The following TFDP1 variants were observed in gnomAD, a reference collection of about 807,000 sequenced individuals.
The protein encoded by TFDP1 is DRTF1-polypeptide 1.
In TFDP1, 6 loss-of-function variants were observed where a neutral mutation model predicts 48.0. The ratio of observed to expected loss-of-function variants is 0.13; its 90% CI spans 0.07 to 0.25. The LOEUF is 0.25. TFDP1 is among the 10% of genes least tolerant of loss of function. The probability of loss-of-function intolerance (pLI) is 1.00; values close to 1 mark genes in which losing one functional copy is unlikely to be tolerated. For synonymous variants in TFDP1, 201 were observed against 211.6 expected (o/e 0.95, Z 0.44); for missense variants, 335 against 543.0 (o/e 0.62, Z 3.81).
intron 3 of TFDP1, among the ~76,000 whole-genome samples, chr13:113,619,686 G>T (rs141948672): frequency 1.3e-3 from 196 of 152,190 alleles, no homozygotes; most frequent in African/African-American, 4.6e-3. Context: ...GGCCGGACAG[G>T]GGGTATTCAC....
chr13:113,588,419 A>G (rs1428725717), intron 2 of TFDP1, among the ~76,000 whole-genome samples: 1 of 152,130 alleles, frequency 6.6e-6, no homozygotes, highest in East Asian at 1.9e-4. Context: ...GAGAAAAACA[A>G]CTCCGGAGCT....
At chr13:113,585,496 C>G (rs2047979242) in intron 1 of TFDP1, 2 of 216,932 alleles carry the variant, frequency 9.2e-6, no homozygotes, top group South Asian at 1.8e-4. Flanking sequence ...GGGGCTCGGC[C>G]CCACCCTCGG....
intron 3 of TFDP1, among the ~76,000 whole-genome samples, chr13:113,622,909 T>C (rs1256934429): frequency 6.6e-6 from 1 of 152,270 alleles, no homozygotes; most frequent in East Asian, 1.9e-4. Context: ...GCACGTTCCA[T>C]AGCAGACATC....
chr13:113,600,761 G>A (rs114359391), intron 2 of TFDP1, among the ~76,000 whole-genome samples: 4,019 of 146,634 alleles, frequency 0.027, 165 homozygotes, highest in African/African-American at 0.093. Context: ...CTCCAGGACC[G>A]CGATAGAGAA....
chr13:113,626,739 G>A (rs962633546), intron 4 of TFDP1, among the ~76,000 whole-genome samples: 1 of 152,192 alleles, frequency 6.6e-6, no homozygotes, highest in Non-Finnish European at 1.5e-5. Context: ...CGGCTTTTCA[G>A]TAAATGCCAT....
intron 3 of TFDP1, among the ~76,000 whole-genome samples, chr13:113,615,915 A>G (rs1450938540): frequency 6.6e-6 from 1 of 151,986 alleles, no homozygotes; most frequent in African/African-American, 2.4e-5. Flanking sequence ...CTGTCTCAAA[A>G]TGAGTAGGCT....
intron 3 of TFDP1, among the ~76,000 whole-genome samples, chr13:113,618,540 A>G (rs1451140437): frequency 1.3e-5 from 2 of 152,144 alleles, no homozygotes; most frequent in African/African-American, 4.8e-5. Flanking sequence ...AACTACTACT[A>G]CTAATTGAAA....
intron 2 of TFDP1, among the ~76,000 whole-genome samples, chr13:113,591,464 CTT>C (rs1417431019): frequency 2.0e-5 from 3 of 152,046 alleles, no homozygotes; most frequent in Non-Finnish European, 4.4e-5. Context: ...ATAATCAGCT[CTT>C]TGTTAGCTCT....
At position 113,593,088 on chromosome 13, in the gene TFDP1, C is replaced by T. The variant is rs2048186317; in HGVS notation, c.12+7239C>T. On this transcript the variant is annotated intron_variant, in intron 2 of 11. Coordinates refer to ENST00000375370, the MANE Select transcript of TFDP1 (RefSeq NM_007111.5). ...GACAGGTGTGGTGTGCGCGGGTCCT[C>T]AGCCCTGCCCAGGTGACAGGTGTGC... Among the ~76,000 whole-genome samples, 3 of 150,160 alleles carry T rather than the reference C, an allele frequency of 2.0e-5. No individual in the cohort carries two copies. In the South Asian group the frequency reaches 6.3e-4, roughly 32 times the overall value.
rs148494753 is a variant in TFDP1, at chr13:113,636,694, G to A, written c.1000G>A (p.Val334Met). The A allele has an allele frequency of 1.8e-5, 29 of 1,609,112 alleles. No individual in the cohort carries two copies. Among genetic ancestry groups the A allele is most frequent in the African/African-American group, 2.8e-5 (2 of 70,796 alleles). ...GGTCCCCAAGGCTCTGGAGCCATACGTGACAGGTCAGCAATGCCCAGACAA... is the reference window on the plus strand; with the variant it reads ...GGTCCCCAAGGCTCTGGAGCCATACATGACAGGTCAGCAATGCCCAGACAA... ...SLVPKALEPY[V>M]TEMAQGTVGG... The change falls in exon 10 of 12, where the codon GTG (valine) becomes ATG (methionine). Residue 334 changes from valine to methionine, a missense_variant. By Grantham distance (21) the Val-to-Met change is conservative. Coordinates refer to ENST00000375370, the MANE Select transcript of TFDP1 (RefSeq NM_007111.5).
Position 113,585,779 on chromosome 13 carries a change from T to C in TFDP1, c.-59T>C. 7.2e-7 allele frequency: 1 copy of C among 1,380,592 alleles called. No individual in the cohort carries two copies. The allele number at this position is 1,380,592 out of a possible 1,614,324, so 85.5% of individuals were successfully genotyped here. A position where few individuals can be genotyped will look rare whatever the true frequency, so the allele number is the denominator to read the frequency against. ...TTTTTTTTTTTTTTTACCAGAAAAATCATTTTTCTTCTCTGGGAAGGTGAA... is the reference window on the plus strand; with the variant it reads ...TTTTTTTTTTTTTTTACCAGAAAAACCATTTTTCTTCTCTGGGAAGGTGAA... On this transcript the variant is annotated 5_prime_UTR_variant, in exon 2 of 12. Coordinates refer to ENST00000375370, the MANE Select transcript of TFDP1 (RefSeq NM_007111.5).
At chr13:113,596,471 G>A (rs1473620326) in intron 2 of TFDP1, among the ~76,000 whole-genome samples, 1 of 152,160 alleles carries the variant, frequency 6.6e-6, no homozygotes, top group Non-Finnish European at 1.5e-5. Context: ...AGCTGGCTGT[G>A]GATGAGGGGT....
intron 3 of TFDP1, among the ~76,000 whole-genome samples, chr13:113,616,479 C>T (rs568912423): frequency 3.3e-5 from 5 of 152,304 alleles, no homozygotes; most frequent in South Asian, 2.1e-4. Flanking sequence ...TCACCGTCTG[C>T]GGCGCCAGGC....
At chr13:113,603,512 A>G (rs1425712694) in intron 2 of TFDP1, among the ~76,000 whole-genome samples, 2 of 152,260 alleles carry the variant, frequency 1.3e-5, no homozygotes, top group Non-Finnish European at 2.9e-5. Context: ...AGACCCTGTC[A>G]CAGAGTGGGC....
intron 2 of TFDP1, 55 bp downstream of exon 2, chr13:113,585,904 T>C (rs938805230): frequency 1.3e-6 from 2 of 1,567,578 alleles, no homozygotes; most frequent in Non-Finnish European, 1.8e-6. Flanking sequence ...CTAAATTCTT[T>C]GTAGTTCTCT....
rs1172975178 is a variant in TFDP1 at position 113,633,439 on chromosome 13, C to T, written c.474+154C>T. Among the ~76,000 whole-genome samples the T allele has an allele frequency of 3.0e-5, 4 of 135,180 alleles. No homozygotes were observed. The highest frequency in any genetic ancestry group is 1.1e-4 in the African/African-American group (4 of 35,442). The allele number at this position is 135,180 out of a possible 152,430, so 88.7% of individuals were successfully genotyped here. The stretch of plus-strand genomic sequence containing the variant: ...ACCAAACGAGTCAGTAAGTGTGTGC[C>T]GGGGCCGAGAGGCTGGGGTGGCGGA... On this transcript the variant is annotated intron_variant, in intron 6 of 11. Transcript: ENST00000375370. The surrounding 1 kb of genome is among the most constrained non-coding windows in gnomAD (Gnocchi z 4.5).
intron 4 of TFDP1, among the ~76,000 whole-genome samples, chr13:113,625,861 G>A (rs530413917): frequency 9.9e-5 from 14 of 142,058 alleles, no homozygotes; most frequent in South Asian, 4.7e-4. Flanking sequence ...TCTCTCACGC[G>A]TCCTCAGGTG....
chr13:113,640,017 A>C (rs557236997), intron 11 of TFDP1, 103 bp from the exon 12 acceptor site: 1 of 847,492 alleles, frequency 1.2e-6, no homozygotes, highest in South Asian at 1.7e-5. Context: ...GACAAAACCC[A>C]CACCTGTGGG....
At chr13:113,588,880 T>C (rs990550213) in intron 2 of TFDP1, among the ~76,000 whole-genome samples, 1 of 149,112 alleles carries the variant, frequency 6.7e-6, no homozygotes, top group Non-Finnish European at 1.5e-5. Flanking sequence ...GTGATGGTGG[T>C]GTAGGTGGAG....
Sources: allele counts gnomAD v4.1 joint callset (sites outside exome capture counted in the v4.1 genomes callset), GRCh38; gene constraint gnomAD v4.1.1; non-coding constraint Gnocchi (gnomAD v3.1); transcripts MANE v1.5; gene names NCBI Gene and HGNC (gene_info 2026-07-23, HGNC 2026-07-21).